The following SAMD5 variants were observed in gnomAD, a reference collection of about 807,000 sequenced individuals.
SAMD5 encodes the protein sterile alpha motif domain-containing protein 5.
A neutral mutation model predicts 11.3 loss-of-function variants in SAMD5; 13 were observed. That is an observed-to-expected ratio of 1.15 (90% CI 0.75 to 1.83). The LOEUF is 1.83. Ranked by LOEUF, SAMD5 falls within the 40% of genes most tolerant of loss-of-function variation. SAMD5 has a pLI of 0.00. For synonymous variants in SAMD5, 129 were observed against 111.3 expected (o/e 1.16, Z -1.00); for missense variants, 255 against 239.1 (o/e 1.07, Z -0.44).
the SAMD5 span, among the ~76,000 whole-genome samples, chr6:147,799,395 C>G: frequency 1.3e-5 from 2 of 151,884 alleles, no homozygotes; most frequent in Non-Finnish European, 2.9e-5. Flanking sequence ...TGAATATTGG[C>G]CCCCACTCGC....
At chr6:147,892,144 C>T in the SAMD5 span, among the ~76,000 whole-genome samples, 1 of 152,212 alleles carries the variant, frequency 6.6e-6, no homozygotes, top group African/African-American at 2.4e-5. Flanking sequence ...TGTCTCCCTT[C>T]TTGCCTCCTT....
At chr6:147,530,074 T>C (rs1052778898) in intron 1 of SAMD5, among the ~76,000 whole-genome samples, 1 of 152,230 alleles carries the variant, frequency 6.6e-6, no homozygotes, top group African/African-American at 2.4e-5. Flanking sequence ...TTACCATATA[T>C]GGGGACGATT....
At chr6:147,859,610 T>C in the SAMD5 span, among the ~76,000 whole-genome samples, 159 of 152,320 alleles carry the variant, frequency 1.0e-3, no homozygotes, top group African/African-American at 3.6e-3. Flanking sequence ...TTCATTTGCC[T>C]TTGGGTTTCA....
chr6:147,661,893 T>C (rs1327314506), intron 1 of SAMD5, among the ~76,000 whole-genome samples: 5 of 152,060 alleles, frequency 3.3e-5, no homozygotes, highest in Non-Finnish European at 5.9e-5. Flanking sequence ...CCTCCCAAAT[T>C]GCTGGGATTA....
At chr6:147,679,073 T>C (rs761693673) in intron 1 of SAMD5, among the ~76,000 whole-genome samples, 1 of 151,786 alleles carries the variant, frequency 6.6e-6, no homozygotes, top group Non-Finnish European at 1.5e-5. Flanking sequence ...CATTCACCTG[T>C]TGATGGGTGT....
the SAMD5 span, among the ~76,000 whole-genome samples, chr6:147,844,096 G>A: frequency 1.3e-5 from 2 of 152,100 alleles, no homozygotes; most frequent in Non-Finnish European, 2.9e-5. Flanking sequence ...TTATACATCA[G>A]ATAAGGGGCT....
At chr6:147,759,260 T>C in the SAMD5 span, among the ~76,000 whole-genome samples, 1 of 152,086 alleles carries the variant, frequency 6.6e-6, no homozygotes, top group South Asian at 2.1e-4. Flanking sequence ...GCAGAAGAAA[T>C]CAACATAAGC....
chr6:147,622,871 C>T (rs11755710), intron 1 of SAMD5, among the ~76,000 whole-genome samples: 46,037 of 151,948 alleles, frequency 0.3, 8,520 homozygotes, highest in South Asian at 0.41. Flanking sequence ...GTGAAAGGCA[C>T]ATCTTACGTG....
At chr6:147,745,901 C>T in the SAMD5 span, among the ~76,000 whole-genome samples, 3 of 152,014 alleles carry the variant, frequency 2.0e-5, no homozygotes, top group Non-Finnish European at 4.4e-5. Flanking sequence ...ACCACCACGC[C>T]TGGCTAATTT....
chr6:147,915,222 T>G, the SAMD5 span, among the ~76,000 whole-genome samples: 1 of 152,204 alleles, frequency 6.6e-6, no homozygotes, highest in Non-Finnish European at 1.5e-5. Flanking sequence ...AAATACATGC[T>G]GAAGTACCTA....
intron 1 of SAMD5, among the ~76,000 whole-genome samples, chr6:147,551,834 A>ATATATG (rs1390638500): frequency 6.9e-6 from 1 of 144,682 alleles, no homozygotes; most frequent in South Asian, 2.1e-4. Flanking sequence ...ATATATATAT[A>ATATATG]TATGTATATA....
intron 1 of SAMD5, among the ~76,000 whole-genome samples, chr6:147,531,101 C>T (rs1406635158): frequency 6.6e-6 from 1 of 151,426 alleles, no homozygotes; most frequent in East Asian, 1.9e-4. Context: ...ATATATTTTT[C>T]AGTTATCCCA....
the SAMD5 span, among the ~76,000 whole-genome samples, chr6:147,844,531 C>A: frequency 6.6e-6 from 1 of 152,142 alleles, no homozygotes; most frequent in Non-Finnish European, 1.5e-5. Context: ...AAAGAGATGT[C>A]TGCACTCCCA....
intron 1 of SAMD5, among the ~76,000 whole-genome samples, chr6:147,592,399 G>C (rs911047282): frequency 5.3e-5 from 8 of 152,032 alleles, no homozygotes; most frequent in Non-Finnish European, 1.5e-5. Context: ...GCTGCCATGG[G>C]AGTGCGGGAG....
chr6:147,936,440 G>C, the SAMD5 span, among the ~76,000 whole-genome samples: 1 of 151,704 alleles, frequency 6.6e-6, no homozygotes, highest in African/African-American at 2.4e-5. Flanking sequence ...GAGTGGCGAG[G>C]GGCAGTGGTG....
At chr6:147,799,117 T>C in the SAMD5 span, among the ~76,000 whole-genome samples, 2 of 151,988 alleles carry the variant, frequency 1.3e-5, no homozygotes, top group African/African-American at 2.4e-5. Flanking sequence ...CATTATGATG[T>C]TAGCTGGTGA....
intron 1 of SAMD5, among the ~76,000 whole-genome samples, chr6:147,704,962 G>C (rs1362670294): frequency 6.6e-6 from 1 of 152,182 alleles, no homozygotes; most frequent in Non-Finnish European, 1.5e-5. Flanking sequence ...TTTGTCACCA[G>C]TAACTATGGC....
intron 1 of SAMD5, among the ~76,000 whole-genome samples, chr6:147,681,513 C>G (rs892854688): frequency 1.3e-5 from 2 of 152,108 alleles, no homozygotes; most frequent in Non-Finnish European, 2.9e-5. Context: ...TAATTGGCAT[C>G]ATTTCTGTGT....
At chr6:147,726,470 C>G (rs1791628098) in intron 1 of SAMD5, among the ~76,000 whole-genome samples, 1 of 152,318 alleles carries the variant, frequency 6.6e-6, no homozygotes, top group Admixed American at 6.5e-5. Context: ...AAGTCATGCT[C>G]CATTTCAGAT....
Sources: gnomAD v4.1 joint callset for allele counts (sites outside exome capture counted in the v4.1 genomes callset) on GRCh38, gnomAD v4.1.1 for gene constraint, MANE v1.5 for transcripts, NCBI Gene and HGNC (gene_info 2026-07-23, HGNC 2026-07-21) for gene names.